The following ERG variants were observed in gnomAD, a reference collection of about 807,000 sequenced individuals.
The protein encoded by ERG is transcriptional regulator ERG.
ERG carries 9 observed loss-of-function variants against 55.3 expected under a neutral mutation model. That is an observed-to-expected ratio of 0.16 (90% CI 0.10 to 0.28). ERG has a LOEUF of 0.28. Ranked by LOEUF, ERG falls within the 10% of genes least tolerant of loss-of-function variation. The probability of loss-of-function intolerance (pLI) is 1.00; values close to 1 mark genes in which losing one functional copy is unlikely to be tolerated. For missense variants in ERG, 434 were observed against 631.6 expected (o/e 0.69, Z 3.35); for synonymous variants, 223 against 237.3 (o/e 0.94, Z 0.55).
chr21:38,405,256 T>C (rs1988711291), intron 3 of ERG, among the ~76,000 whole-genome samples: 2 of 152,250 alleles, frequency 1.3e-5, no homozygotes, highest in Admixed American at 1.3e-4. Flanking sequence ...GATATATGAT[T>C]TGCTATTGGC....
At chr21:38,514,786 T>C (rs1161931124) in intron 2 of ERG, among the ~76,000 whole-genome samples, 3 of 151,896 alleles carry the variant, frequency 2.0e-5, no homozygotes, top group Non-Finnish European at 4.4e-5. Flanking sequence ...TGTTAAAGGA[T>C]TGGGAAAAAG....
intron 1 of ERG, among the ~76,000 whole-genome samples, chr21:38,651,212 G>T (rs2060486757): frequency 6.6e-6 from 1 of 152,168 alleles, no homozygotes; most frequent in Non-Finnish European, 1.5e-5. Flanking sequence ...AAAAACTGCA[G>T]ATCTAGTACC....
chr21:38,413,980 C>T (rs779981860), intron 3 of ERG, among the ~76,000 whole-genome samples: 33 of 152,196 alleles, frequency 2.2e-4, no homozygotes, highest in Non-Finnish European at 3.8e-4. Context: ...CTAGGGCTGC[C>T]GTAACCAAGT....
intron 2 of ERG, among the ~76,000 whole-genome samples, chr21:38,549,483 T>C (rs545228517): frequency 3.6e-4 from 55 of 152,344 alleles, no homozygotes; most frequent in African/African-American, 1.1e-3. Flanking sequence ...TTCAATCTAC[T>C]TTTCTGCAAT....
intron 1 of ERG, among the ~76,000 whole-genome samples, chr21:38,604,850 C>T (rs760478260): frequency 6.6e-6 from 1 of 152,218 alleles, no homozygotes; most frequent in East Asian, 1.9e-4. Context: ...TAGCCTCACT[C>T]ATGCTGCTGC....
intron 1 of ERG, among the ~76,000 whole-genome samples, chr21:38,656,869 T>C (rs1224389694): frequency 1.3e-5 from 2 of 152,172 alleles, no homozygotes; most frequent in African/African-American, 4.8e-5. Context: ...TTCTTTCCTA[T>C]TTCCTAGAGA....
At chr21:38,544,957 G>A (rs2059778701) in intron 2 of ERG, among the ~76,000 whole-genome samples, 1 of 152,080 alleles carries the variant, frequency 6.6e-6, no homozygotes, top group Admixed American at 6.6e-5. Context: ...TTACTAACCA[G>A]GAAGCTTCTA....
At chr21:38,388,232 T>G (rs1987796128) in intron 9 of ERG, among the ~76,000 whole-genome samples, 1 of 152,228 alleles carries the variant, frequency 6.6e-6, no homozygotes. Flanking sequence ...GTTAGATAGA[T>G]TCTCAGCTGC....
chr21:38,582,566 A>G (rs1601276722), intron 1 of ERG, among the ~76,000 whole-genome samples: 2 of 152,348 alleles, frequency 1.3e-5, no homozygotes, highest in South Asian at 4.1e-4. Context: ...AAGTTGAACC[A>G]TTGTTTGATT....
chr21:38,567,787 CG>C (rs1360989856), intron 2 of ERG, among the ~76,000 whole-genome samples: 1 of 152,230 alleles, frequency 6.6e-6, no homozygotes, highest in Non-Finnish European at 1.5e-5. Flanking sequence ...CCCGAGACAT[CG>C]CCTAATCCCT....
chr21:38,603,983 T>G (rs928021101), intron 1 of ERG, among the ~76,000 whole-genome samples: 2 of 152,058 alleles, frequency 1.3e-5, no homozygotes, highest in Non-Finnish European at 2.9e-5. Flanking sequence ...GCGCGGTGGC[T>G]CACGCCTGTA....
chr21:38,387,279 G>A (rs1165182891), intron 9 of ERG, among the ~76,000 whole-genome samples: 2 of 152,168 alleles, frequency 1.3e-5, no homozygotes, highest in African/African-American at 2.4e-5. Context: ...AGAAGCCAGG[G>A]GTGGTGCAGA....
At chr21:38,585,367 T>A (rs376040904), upstream of ERG, among the ~76,000 whole-genome samples, 12 of 152,226 alleles carry the variant, frequency 7.9e-5, no homozygotes, top group Admixed American at 5.2e-4. Flanking sequence ...ATTAAGCAAT[T>A]GTCATAGTCC....
At chr21:38,391,177 G>C (rs954397648) in intron 8 of ERG, 135 bp from the exon 9 acceptor site, 18 of 721,122 alleles carry the variant, frequency 2.5e-5, no homozygotes, top group Admixed American at 7.0e-5. Context: ...CAAATCAACT[G>C]CCTCCACCTC....
chr21:38,597,889 G>A (rs74918755), intron 1 of ERG, among the ~76,000 whole-genome samples: 104 of 152,272 alleles, frequency 6.8e-4, no homozygotes, highest in African/African-American at 2.3e-3. Context: ...TAGAAATTAC[G>A]TGATGTAATT....
intron 1 of ERG, among the ~76,000 whole-genome samples, chr21:38,484,242 T>C (rs919933246): frequency 6.6e-5 from 10 of 152,076 alleles, no homozygotes; most frequent in Non-Finnish European, 4.4e-5. Flanking sequence ...TGCAATTACA[T>C]GTGTGAGCCA....
intron 2 of ERG, among the ~76,000 whole-genome samples, chr21:38,511,176 A>C (rs1048421119): frequency 2.0e-5 from 3 of 152,250 alleles, no homozygotes; most frequent in African/African-American, 7.2e-5. Flanking sequence ...AAATCAATAG[A>C]TATAGGAATG....
intron 2 of ERG, among the ~76,000 whole-genome samples, chr21:38,548,309 T>C (rs993894800): frequency 1.3e-5 from 2 of 152,122 alleles, no homozygotes; most frequent in Non-Finnish European, 2.9e-5. Flanking sequence ...TTTTATTGTG[T>C]CATCATATAT....
At chr21:38,399,561 C>G (rs1202071830) in intron 6 of ERG, among the ~76,000 whole-genome samples, 1 of 152,214 alleles carries the variant, frequency 6.6e-6, no homozygotes, top group Non-Finnish European at 1.5e-5. Context: ...TGATACCTAG[C>G]TTATCGGGCT....
Sources: allele counts gnomAD v4.1 joint callset (sites outside exome capture counted in the v4.1 genomes callset), GRCh38; gene constraint gnomAD v4.1.1; transcripts MANE v1.5; gene names NCBI Gene and HGNC (gene_info 2026-07-23, HGNC 2026-07-21).